The following CPEB3 variants were observed in gnomAD, a reference collection of about 807,000 sequenced individuals.
CPEB3 encodes the protein cytoplasmic polyadenylation element binding protein 3.
A neutral mutation model predicts 67.2 loss-of-function variants in CPEB3; 20 were observed. The ratio of observed to expected loss-of-function variants is 0.30; its 90% CI spans 0.21 to 0.43. The LOEUF (loss-of-function observed/expected upper bound fraction) is 0.43, where lower values mean the gene tolerates loss of function less well. Ranked by LOEUF, CPEB3 falls within the 20% of genes least tolerant of loss-of-function variation. The pLI is 1.00. For missense variants in CPEB3, 746 were observed against 968.6 expected (o/e 0.77, Z 3.05); for synonymous variants, 376 against 393.1 (o/e 0.96, Z 0.51).
At chr10:92,095,961 C>T (rs1178669988) in intron 7 of CPEB3, among the ~76,000 whole-genome samples, 1 of 151,942 alleles carries the variant, frequency 6.6e-6, no homozygotes, top group East Asian at 1.9e-4. Context: ...CTGAAACCTC[C>T]ACCTCCCAGG....
At chr10:92,111,461 A>G (rs11186829) in intron 6 of CPEB3, among the ~76,000 whole-genome samples, 59,123 of 152,100 alleles carry the variant, frequency 0.39, 12,234 homozygotes, top group African/African-American at 0.53. Flanking sequence ...AATGAGGGCA[A>G]GTGGACTCAC....
intron 1 of CPEB3, among the ~76,000 whole-genome samples, chr10:92,245,357 C>T (rs1852015461): frequency 6.6e-6 from 1 of 151,916 alleles, no homozygotes; most frequent in African/African-American, 2.4e-5. Flanking sequence ...AGGCTGGTCT[C>T]AAACTCCTGA....
At chr10:92,168,063 A>G (rs1847828085) in intron 4 of CPEB3, among the ~76,000 whole-genome samples, 1 of 152,252 alleles carries the variant, frequency 6.6e-6, no homozygotes, top group Non-Finnish European at 1.5e-5. Context: ...TTAGAAAAAC[A>G]GCACAACTGT....
chr10:92,221,853 A>C (rs569202652), intron 2 of CPEB3, among the ~76,000 whole-genome samples: 8 of 152,240 alleles, frequency 5.3e-5, no homozygotes, highest in Admixed American at 2.6e-4. Context: ...CATTGATTGA[A>C]GGGTGTGTGT....
rs1356185264 is a variant in CPEB3 at position 92,138,525 on chromosome 10, G to T, written c.1453+4504C>A. Among the ~76,000 whole-genome samples the T allele has an allele frequency of 4.1e-5, 6 of 146,732 alleles. No individual in the cohort carries two copies. The East Asian group carries it at 1.2e-3, about 29-fold the overall frequency. On this transcript the variant is annotated intron_variant, in intron 6 of 9. Coordinates refer to ENST00000265997, the MANE Select transcript of CPEB3 (RefSeq NM_014912.5). ...TTTTGAGGCAAAAAAAAAAAAAAAA[G>T]GGAGGGTGAAAGATCTGAATAGGCA...
chr10:92,287,139 T>C (rs1395058643), intron 1 of CPEB3, among the ~76,000 whole-genome samples: 2 of 152,008 alleles, frequency 1.3e-5, no homozygotes, highest in Non-Finnish European at 2.9e-5. Context: ...TAGACTTTTT[T>C]TTTTTTTTGA....
intron 9 of CPEB3, among the ~76,000 whole-genome samples, chr10:92,063,427 C>A (rs1460707553): frequency 6.6e-6 from 1 of 152,148 alleles, no homozygotes; most frequent in Admixed American, 6.6e-5. Flanking sequence ...AAAGACTGGC[C>A]TCTGTTACAG....
chr10:92,192,740 CA>C (rs1849042252), intron 2 of CPEB3, 104 bp from the exon 3 acceptor site: 1 of 772,506 alleles, frequency 1.3e-6, no homozygotes, highest in East Asian at 2.8e-5. Flanking sequence ...ATGAAAGTTA[CA>C]GAGAGCCCCA....
intron 3 of CPEB3, among the ~76,000 whole-genome samples, chr10:92,188,417 A>T (rs78483095): frequency 0.015 from 2,210 of 151,748 alleles, 56 homozygotes; most frequent in African/African-American, 0.05. Context: ...TAAAAAGCAA[A>T]AAATAAATAA....
chr10:92,199,895 C>G (rs907174191), intron 2 of CPEB3, among the ~76,000 whole-genome samples: 17 of 148,146 alleles, frequency 1.1e-4, no homozygotes, highest in African/African-American at 2.5e-4. Flanking sequence ...TCCAAACACA[C>G]AGAGAGAGAG....
At chr10:92,124,905 C>T (rs1385009689) in intron 6 of CPEB3, among the ~76,000 whole-genome samples, 1 of 152,226 alleles carries the variant, frequency 6.6e-6, no homozygotes, top group Admixed American at 6.5e-5. Flanking sequence ...CCTGTTTTTG[C>T]CCACTCAAAG....
At chr10:92,119,196 A>T in intron 6 of CPEB3, 1 of 1,581,918 alleles carries the variant, frequency 6.3e-7, no homozygotes, top group Non-Finnish European at 8.7e-7. Flanking sequence ...ATATTCCTAC[A>T]CATTATTACA....
At chr10:92,134,176 G>T (rs1439061069) in intron 6 of CPEB3, among the ~76,000 whole-genome samples, 1 of 152,108 alleles carries the variant, frequency 6.6e-6, no homozygotes, top group Non-Finnish European at 1.5e-5. Context: ...GGGCAATCAG[G>T]CAAGAGAAAG....
intron 1 of CPEB3, among the ~76,000 whole-genome samples, chr10:92,253,700 T>C (rs768833402): frequency 9.2e-5 from 14 of 152,022 alleles, no homozygotes; most frequent in African/African-American, 1.4e-4. Flanking sequence ...GCTGTGATTG[T>C]GCCACTGCAC....
intron 1 of CPEB3, among the ~76,000 whole-genome samples, chr10:92,288,332 C>T (rs984371779): frequency 6.6e-6 from 1 of 151,788 alleles, no homozygotes; most frequent in Non-Finnish European, 1.5e-5. Flanking sequence ...TGGTGGTGCG[C>T]CCCTGTAGTC....
intron 2 of CPEB3, among the ~76,000 whole-genome samples, chr10:92,207,029 A>T (rs1268064315): frequency 6.6e-6 from 1 of 152,030 alleles, no homozygotes; most frequent in African/African-American, 2.4e-5. Context: ...TCTGTCACCC[A>T]GGCTGGAGTA....
intron 6 of CPEB3, among the ~76,000 whole-genome samples, chr10:92,133,754 C>T (rs540353861): frequency 6.6e-5 from 10 of 152,240 alleles, no homozygotes; most frequent in South Asian, 4.1e-4. Context: ...AATATGGATG[C>T]GAAAATCCTC....
chr10:92,146,482 T>C (rs1846688210), intron 4 of CPEB3, among the ~76,000 whole-genome samples: 1 of 151,924 alleles, frequency 6.6e-6, no homozygotes, highest in East Asian at 1.9e-4. Flanking sequence ...ATTTAGTCTA[T>C]ACTATCTTTA....
At chr10:92,188,600 A>G (rs1016716968) in intron 3 of CPEB3, among the ~76,000 whole-genome samples, 16 of 151,910 alleles carry the variant, frequency 1.1e-4, no homozygotes, top group Non-Finnish European at 2.1e-4. Context: ...CATGCCTGTA[A>G]TCCTAGCTAC....
Sources: allele counts gnomAD v4.1 joint callset (sites outside exome capture counted in the v4.1 genomes callset), GRCh38; gene constraint gnomAD v4.1.1; transcripts MANE v1.5; gene names NCBI Gene and HGNC (gene_info 2026-07-23, HGNC 2026-07-21).